GH2: variants seen among roughly 807,000 people sequenced by gnomAD.
GH2 encodes growth hormone variant.
A neutral mutation model predicts 24.1 loss-of-function variants in GH2; 17 were observed. The observed-to-expected ratio is 0.71, with a 90% CI of 0.48 to 1.06. The LOEUF (loss-of-function observed/expected upper bound fraction) is 1.06, where lower values mean the gene tolerates loss of function less well. Among genes scored for constraint, GH2 ranks in the 50% least tolerant of loss-of-function variants. GH2 has a pLI of 0.00. For synonymous variants in GH2, 126 were observed against 118.7 expected, an observed-to-expected ratio of 1.06 and a Z score of -0.40; for missense variants, 305 against 273.1, an observed-to-expected ratio of 1.12 and a Z score of -0.82.
chr17:63,881,511 T>G lies in GH2; in HGVS notation c.19A>C (p.Thr7Pro), dbSNP rs987388697. The G allele has an allele frequency of 6.2e-7, 1 of 1,613,490 alleles. No individual in the cohort carries two copies. Among genetic ancestry groups the G allele is most frequent in the African/African-American group, 1.3e-5 (1 of 74,740 alleles). The change falls in exon 2 of 5, where the codon ACG becomes CCG. Residue 7 changes from threonine (T) to proline (P), a missense_variant. Physicochemically the swap from Thr to Pro is conservative, Grantham distance 38. Coordinates refer to ENST00000423893, the MANE Select transcript of GH2 (RefSeq NM_002059.5). Reference protein sequence around the residue: MAAGSRTSLLLAFGLLC... With the variant: MAAGSRPSLLLAFGLLC... ...AGGCCAAAAGCCAGGAGCAGGGACG[T>G]CCGGGAGCCTGGGGAGAAACCGGAG... is the stretch of plus-strand genomic sequence containing the variant.
At chr17:63,880,601 C>T (rs780122727) in intron 4 of GH2, 83 bp from the exon 5 acceptor site, 2 of 1,613,934 alleles carry the variant, frequency 1.2e-6, no homozygotes, top group East Asian at 2.2e-5. Flanking sequence ...TTCCTCCCTC[C>T]CCTCCAGGTT....
In GH2 at chr17:63,880,948, G is replaced by A. The variant is rs367584836; in HGVS notation, c.292-12C>T. The A allele has an allele frequency of 6.2e-7, 1 of 1,613,948 alleles. No individual in the cohort carries two copies. Among genetic ancestry groups the A allele is most frequent in the African/African-American group, 1.3e-5 (1 of 74,916 alleles). On this transcript the variant is annotated splice_polypyrimidine_tract_variant and intron_variant, in intron 3 of 4. Transcript: ENST00000423893. ...AGCAGCTCTAGGTTCTGCAGGGGAA[G>A]GACCGGCAGTGGCTGTGCTGCCCGG...
Position 63,880,890 on chromosome 17 carries a change from A to T in GH2, c.338T>A (p.Leu113Gln), listed in dbSNP as rs368927186. The change falls in exon 4 of 5, where the codon CTG (leucine) becomes CAG (glutamine). Residue 113 changes from leucine to glutamine, a missense_variant. Leu to Gln is a moderately radical substitution (Grantham distance 113). Transcript: ENST00000423893. ...GCTCCTGAGGAGCTGCACGGGCTCCAGCCATGACTGGATGAGCAGCAGGGA... is the reference window on the plus strand; with the variant it reads ...GCTCCTGAGGAGCTGCACGGGCTCCTGCCATGACTGGATGAGCAGCAGGGA... The part of the protein sequence containing the change: ...RISLLLIQSW[L>Q]EPVQLLRSVF... 20 of 1,613,992 alleles carry T rather than the reference A, an allele frequency of 1.2e-5. No homozygotes were observed. The highest frequency in any genetic ancestry group is 1.6e-5 in the Non-Finnish European group (19 of 1,179,968).
At position 63,881,051 on chromosome 17, in the gene GH2, CT is replaced by C. The variant is rs1325228914; in HGVS notation, c.268del (p.Arg90GlyfsTer2). 4 of 1,614,060 alleles carry C rather than the reference CT, an allele frequency of 2.5e-6. No individual in the cohort carries two copies. Among genetic ancestry groups the C allele is most frequent in the Non-Finnish European group, 3.4e-6 (4 of 1,179,946 alleles). On this transcript the variant is annotated frameshift_variant, in exon 3 of 5. Transcript: ENST00000423893. LOFTEE classifies it high-confidence loss of function. ...FSESIPTPSNRVKTQQKSNLE... is the reference protein window; with the variant it reads ...FSESIPTPSNXVKTQQKSNLE... ...CACAGATTTCTGCTGCGTTTTCACC[CT>C]GTTGGAAGGTGTTGGAATAGACTCT...
Position 63,880,257 on chromosome 17 carries a change from G to A in GH2, c.*64C>T. 3 of 1,613,212 alleles carry A rather than the reference G, an allele frequency of 1.9e-6. No individual in the cohort carries two copies. Among genetic ancestry groups the A allele is most frequent in the Non-Finnish European group, 1.7e-6 (2 of 1,179,396 alleles). On this transcript the variant is annotated 3_prime_UTR_variant, in exon 5 of 5. Transcript: ENST00000423893. ...ATTAGGACAAGGCTGGTGGGCACTG[G>A]AGTAGCACCTTCCACGACCAGGAGA...
At position 63,881,935 on chromosome 17, in the gene GH2, C is replaced by T. The variant is rs1905568073; in HGVS notation, c.-134G>A. ...TCGCTGCTTCTCCTCACCTGTTTCTCTGCATGTTTAGGCCTGGGGCCACTG... is the reference window on the plus strand; with the variant it reads ...TCGCTGCTTCTCCTCACCTGTTTCTTTGCATGTTTAGGCCTGGGGCCACTG... On this transcript the variant is annotated 5_prime_UTR_variant, in exon 1 of 5. Coordinates refer to ENST00000423893, the MANE Select transcript of GH2 (RefSeq NM_002059.5). 1 of 1,592,036 alleles carries T rather than the reference C, an allele frequency of 6.3e-7. No individual in the cohort carries two copies. Among genetic ancestry groups the T allele is most frequent in the African/African-American group, 1.3e-5 (1 of 74,338 alleles).
intron 4 of GH2, 107 bp from the exon 5 acceptor site, chr17:63,880,625 T>G (rs1395971208): frequency 5.6e-6 from 9 of 1,613,986 alleles, no homozygotes; most frequent in Non-Finnish European, 6.8e-6. Context: ...GAGAAAGGCC[T>G]GGAGGATTCA....
At position 63,880,927 on chromosome 17, in the gene GH2, G is replaced by T. The variant is rs569088421; in HGVS notation, c.301C>A (p.Leu101Met). ...VKTQQKSNLE[L>M]LRISLLLIQS... Reference sequence around the variant, plus strand: ...ATGAGCAGCAGGGAGATGCGGAGCAGCTCTAGGTTCTGCAGGGGAAGGACC... The same window carrying T: ...ATGAGCAGCAGGGAGATGCGGAGCATCTCTAGGTTCTGCAGGGGAAGGACC... The change falls in exon 4 of 5, where the codon CTG (leucine) becomes ATG (methionine). Residue 101 changes from leucine to methionine, a missense_variant. By Grantham distance (15) the Leu-to-Met change is conservative. Coordinates refer to ENST00000423893, the MANE Select transcript of GH2 (RefSeq NM_002059.5). 1.9e-6 allele frequency: 3 copies of T among 1,614,088 alleles called. No homozygotes were observed. The African/African-American group carries it at 4.0e-5, about 22-fold the overall frequency.
rs766585622 is a variant in GH2, at chr17:63,880,823, G to T, written c.405C>A (p.Asn135Lys). Residue 135 changes from asparagine (N) to lysine (K), a missense_variant, in exon 4 of 5, where the codon AAC (asparagine) becomes AAA (lysine). Asn to Lys is a moderately conservative substitution (Grantham distance 94). Coordinates refer to ENST00000423893, the MANE Select transcript of GH2 (RefSeq NM_002059.5). ...NSLVYGASDS[N>K]VYRHLKDLEE... is the part of the protein sequence containing the mutation. ...CTAGGTCCTTCAGGTGGCGATAGACGTTGCTGTCCGAGGCGCCATACACCA... is the reference window on the plus strand; with the variant it reads ...CTAGGTCCTTCAGGTGGCGATAGACTTTGCTGTCCGAGGCGCCATACACCA... 2 of 1,614,072 alleles carry T rather than the reference G, an allele frequency of 1.2e-6. No individual in the cohort carries two copies. The highest frequency in any genetic ancestry group is 2.2e-5 in the East Asian group (1 of 44,882).
Position 63,881,335 on chromosome 17 carries a change from C to A in GH2, c.171+24G>T, listed in dbSNP as rs376635122. On this transcript the variant is annotated intron_variant, in intron 2 of 4. Transcript: ENST00000423893. ...TCACCCCTTCCTGCCACCTCTGAAG[C>A]GCACCCATTACCCAAGAGCTTACAA... The A allele has an allele frequency of 8.7e-6, 14 of 1,613,612 alleles. No individual in the cohort carries two copies. The East Asian group carries it at 1.6e-4, about 18-fold the overall frequency.
chr17:63,880,494 T>C lies in GH2; in HGVS notation c.481A>G (p.Thr161Ala). Residue 161 changes from threonine to alanine, a missense_variant, in exon 5 of 5, where the codon ACT (threonine) becomes GCT (alanine). Coordinates refer to ENST00000423893, the MANE Select transcript of GH2 (RefSeq NM_002059.5). ...TAGGACTGATTGAAGATCTGCCCAG[T>C]CCGGGGGCTGCCATCTTCCAGCCTC... ...MWRLEDGSPR[T>A]GQIFNQSYSK... 6.2e-7 allele frequency: 1 copy of C among 1,613,800 alleles called. No homozygotes were observed. The highest frequency in any genetic ancestry group is 2.2e-5 in the East Asian group (1 of 44,880).
Position 63,880,231 on chromosome 17 carries a change from T to C in GH2, c.*90A>G, listed in dbSNP as rs777876566. On this transcript the variant is annotated 3_prime_UTR_variant, in exon 5 of 5. Coordinates refer to ENST00000423893, the MANE Select transcript of GH2 (RefSeq NM_002059.5). ...CAAACAAAATGATGCAACTTAATTT[T>C]ATTAGGACAAGGCTGGTGGGCACTG... 1.9e-6 allele frequency: 3 copies of C among 1,600,370 alleles called. No homozygotes were observed. The African/African-American group carries it at 4.0e-5, about 21-fold the overall frequency.
At position 63,881,382 on chromosome 17, in the gene GH2, C is replaced by T. The variant is rs752256364; in HGVS notation, c.148G>A (p.Ala50Thr). ...ACAAACTCCTGATAGGTGTCATATG[C>T]CAGCTGGTACAGGCGACGGGCGCGG... ...MLRARRLYQL[A>T]YDTYQEFEEA... Residue 50 changes from alanine (A) to threonine (T), a missense_variant, in exon 2 of 5, where the codon GCA becomes ACA. By Grantham distance (58) the Ala-to-Thr change is moderately conservative. Transcript: ENST00000423893. The T allele has an allele frequency of 6.2e-7, 1 of 1,614,078 alleles. No homozygotes were observed. Among genetic ancestry groups the T allele is most frequent in the South Asian group, 1.1e-5 (1 of 91,078 alleles).
rs59771895 is a variant in GH2, at chr17:63,880,365, G to T, written c.610C>A (p.Arg204Ser). 4.7e-5 allele frequency: 76 copies of T among 1,613,852 alleles called. 1 individual carries two copies. In the African/African-American group the frequency reaches 6.4e-4, roughly 14 times the overall value. The change falls in exon 5 of 5, where the codon CGC becomes AGC. Residue 204 changes from arginine to serine, a missense_variant. By Grantham distance (110) the Arg-to-Ser change is moderately radical. Coordinates refer to ENST00000423893, the MANE Select transcript of GH2 (RefSeq NM_002059.5). ...KDMDKVETFL[R>S]IVQCRSVEGS... Reference sequence around the variant, plus strand: ...TCCACAGAGCGGCACTGCACGATGCGCAGGAATGTCTCGACCTTGTCCATG... The same window carrying T: ...TCCACAGAGCGGCACTGCACGATGCTCAGGAATGTCTCGACCTTGTCCATG...
Position 63,880,390 on chromosome 17 carries a change from G to C in GH2, c.585C>G (p.Asp195Glu). ...NYGLLYCFRK[D>E]MDKVETFLRI... ...GCAGGAATGTCTCGACCTTGTCCAT[G>C]TCCTTCCTGAAGCAGTAGAGCAGCC... Residue 195 changes from aspartate (D) to glutamate (E), a missense_variant, in exon 5 of 5, where the codon GAC (aspartate) becomes GAG (glutamate). Asp to Glu is a conservative substitution (Grantham distance 45, BLOSUM62 2). Coordinates refer to ENST00000423893, the MANE Select transcript of GH2 (RefSeq NM_002059.5). The C allele has an allele frequency of 1.9e-6, 3 of 1,613,818 alleles. No individual in the cohort carries two copies. The highest frequency in any genetic ancestry group is 2.5e-6 in the Non-Finnish European group (3 of 1,179,792).
At position 63,880,759 on chromosome 17, in the gene GH2, G is replaced by T. The variant is rs1905455004; in HGVS notation, c.456+13C>A. The T allele has an allele frequency of 1.2e-6, 2 of 1,614,068 alleles. No homozygotes were observed. ...GGGGCCCCAGGATTGGGGATCCCTG[G>T]TGCCACCCTCACCCACATCAGCGTT... On this transcript the variant is annotated intron_variant, in intron 4 of 4. Transcript: ENST00000423893.
chr17:63,881,262 A>T, intron 2 of GH2, 97 bp downstream of exon 2: 2 of 1,611,196 alleles, frequency 1.2e-6, no homozygotes, highest in Non-Finnish European at 1.7e-6. Flanking sequence ...TTCAGAAAAC[A>T]ACCCTGAGCT....
chr17:63,881,841 G>C lies in GH2; in HGVS notation c.-40C>G. 1.2e-6 allele frequency: 2 copies of C among 1,613,682 alleles called. No individual in the cohort carries two copies. On this transcript the variant is annotated 5_prime_UTR_variant, in exon 1 of 5. Transcript: ENST00000423893. ...CTGTCCACAGGACCCTGAGTGGTTC[G>C]GGGAGTTGGGCCTTGGGATCCTTGA...
At chr17:63,881,562 G>A (rs895519553) in intron 1 of GH2, 43 bp from the exon 2 acceptor site, 8 of 1,611,806 alleles carry the variant, frequency 5.0e-6, no homozygotes, top group African/African-American at 4.0e-5. Flanking sequence ...TGGAGAGCAA[G>A]AGGCCAGCGC....
Sources: gnomAD v4.1 joint callset for allele counts on GRCh38, gnomAD v4.1.1 for gene constraint, MANE v1.5 for transcripts, NCBI Gene and HGNC (gene_info 2026-07-23, HGNC 2026-07-21) for gene names.